The following NARS2 variants were observed in gnomAD, a reference collection of about 807,000 sequenced individuals.
NARS2 encodes the protein asparaginyl-tRNA synthetase 2, mitochondrial, also known as asparaginyl-tRNA synthetase.
A neutral mutation model predicts 62.9 loss-of-function variants in NARS2; 60 were observed. The observed-to-expected ratio is 0.95, with a 90% CI of 0.77 to 1.18. NARS2 has a LOEUF of 1.18. Ranked by LOEUF, NARS2 falls within the 50% of genes most tolerant of loss-of-function variation. The probability of loss-of-function intolerance (pLI) is 0.00; values close to 1 mark genes in which losing one functional copy is unlikely to be tolerated. For synonymous variants in NARS2, 196 were observed against 200.0 expected (o/e 0.98, Z 0.17); for missense variants, 619 against 576.4 (o/e 1.07, Z -0.76).
At chr11:78,478,055 T>A (rs1003834915) in intron 9 of NARS2, among the ~76,000 whole-genome samples, 1 of 152,218 alleles carries the variant, frequency 6.6e-6, no homozygotes, top group Non-Finnish European at 1.5e-5. Context: ...TGTTCCTGAA[T>A]TCTTGTCTTG....
At chr11:78,488,005 A>G (rs535526208) in intron 7 of NARS2, among the ~76,000 whole-genome samples, 7 of 152,188 alleles carry the variant, frequency 4.6e-5, no homozygotes, top group Non-Finnish European at 7.3e-5. Context: ...TGAAACAAGA[A>G]CAACAGAAAC....
chr11:78,456,250 G>C (rs1565209341), intron 11 of NARS2, among the ~76,000 whole-genome samples: 1 of 152,160 alleles, frequency 6.6e-6, no homozygotes, highest in Admixed American at 6.6e-5. Context: ...TGAAATGGGA[G>C]AAACAGTTTG....
At chr11:78,523,232 A>C (rs1056538687) in intron 6 of NARS2, among the ~76,000 whole-genome samples, 2 of 152,208 alleles carry the variant, frequency 1.3e-5, no homozygotes, top group Non-Finnish European at 2.9e-5. Context: ...AAAACCCATC[A>C]TTAGTAGTCA....
At chr11:78,539,065 T>A (rs181648124) in intron 5 of NARS2, among the ~76,000 whole-genome samples, 115 of 145,834 alleles carry the variant, frequency 7.9e-4, no homozygotes, top group African/African-American at 2.8e-3. Flanking sequence ...AGATTATGGG[T>A]CCTTTATAGA....
chr11:78,574,546 C>G lies in NARS2; in HGVS notation c.-58G>C, dbSNP rs1342894038. ...CCCAGACCCCACGGTTCGAACCCCG[C>G]CTGCAGCGGCCCTCCTTTCTCAGCT... is the stretch of plus-strand genomic sequence containing the variant. On this transcript the variant is annotated 5_prime_UTR_variant, in exon 1 of 14. Transcript: ENST00000281038. 5 of 1,510,706 alleles carry G rather than the reference C, an allele frequency of 3.3e-6. No individual in the cohort carries two copies. Among genetic ancestry groups the G allele is most frequent in the Non-Finnish European group, 4.4e-6 (5 of 1,131,754 alleles). The allele number at this position is 1,510,706 out of a possible 1,614,324, so 93.6% of individuals were successfully genotyped here.
chr11:78,521,519 G>A (rs991341269), intron 6 of NARS2, among the ~76,000 whole-genome samples: 7 of 152,118 alleles, frequency 4.6e-5, no homozygotes, highest in Admixed American at 6.5e-5. Context: ...GGCCGGGCGC[G>A]GTGGCTCACG....
At chr11:78,554,049 T>C (rs746282190) in intron 5 of NARS2, among the ~76,000 whole-genome samples, 10 of 152,222 alleles carry the variant, frequency 6.6e-5, no homozygotes, top group Non-Finnish European at 1.3e-4. Flanking sequence ...CAGATTGTCA[T>C]AGATGTGCGG....
chr11:78,479,809 A>G (rs1470896332), intron 7 of NARS2, among the ~76,000 whole-genome samples: 2 of 152,208 alleles, frequency 1.3e-5, no homozygotes, highest in African/African-American at 2.4e-5. Context: ...GTAACTGTCT[A>G]TTGAAGTACA....
intron 5 of NARS2, among the ~76,000 whole-genome samples, chr11:78,553,951 T>C (rs780785738): frequency 2.3e-4 from 35 of 152,244 alleles, no homozygotes; most frequent in African/African-American, 8.4e-4. Flanking sequence ...TTCAATCGTC[T>C]GCATACGGCT....
chr11:78,574,441 G>A lies in NARS2; in HGVS notation c.48C>T (p.Ser16=), dbSNP rs771259800. ...CLLRSVRFCS[S]APFPKHKPSA... is the part of the protein sequence containing the mutation. ...AAGGTTTGTGCTTGGGGAAGGGGGC[G>A]GAGGAACAGAAGCGCACGGACCGCA... The change falls in exon 1 of 14, where the codon TCC becomes TCT. Residue 16 remains serine, a synonymous_variant. Transcript: ENST00000281038. The A allele has an allele frequency of 2.5e-6, 4 of 1,614,108 alleles. No individual in the cohort carries two copies. In the East Asian group the frequency reaches 8.9e-5, roughly 36 times the overall value.
At chr11:78,522,826 A>G (rs1248589346) in intron 6 of NARS2, among the ~76,000 whole-genome samples, 1 of 152,220 alleles carries the variant, frequency 6.6e-6, no homozygotes, top group East Asian at 1.9e-4. Flanking sequence ...TTAAAGATGT[A>G]TTAAAAATCT....
intron 6 of NARS2, among the ~76,000 whole-genome samples, chr11:78,517,969 T>C (rs1031055009): frequency 2.6e-5 from 4 of 152,228 alleles, no homozygotes; most frequent in Non-Finnish European, 5.9e-5. Flanking sequence ...ATCCTAGGTT[T>C]CACGGTTATA....
In NARS2 at chr11:78,441,133, T is replaced by C. The variant is rs1343249225; in HGVS notation, c.1263-16A>G. On this transcript the variant is annotated splice_polypyrimidine_tract_variant and intron_variant, in intron 12 of 13. Transcript: ENST00000281038. ...AAGTCCCGATCTGTTTAAAGGAAAA[T>C]AAAATTCTTTCAGGGAACGGCAATA... The C allele has an allele frequency of 6.2e-7, 1 of 1,606,182 alleles. No homozygotes were observed. Among genetic ancestry groups the C allele is most frequent in the African/African-American group, 1.3e-5 (1 of 74,578 alleles).
At chr11:78,458,875 T>C (rs777867856) in intron 11 of NARS2, among the ~76,000 whole-genome samples, 1 of 152,096 alleles carries the variant, frequency 6.6e-6, no homozygotes, top group African/African-American at 2.4e-5. Flanking sequence ...ACTGTTCTTG[T>C]GGTAGTAAGT....
At chr11:78,558,229 G>A (rs1336194640) in intron 5 of NARS2, 1 of 152,140 alleles carries the variant, frequency 6.6e-6, no homozygotes, top group African/African-American at 2.4e-5. Flanking sequence ...CACTCTAAAT[G>A]TTCAACAAGG....
intron 11 of NARS2, among the ~76,000 whole-genome samples, chr11:78,457,182 G>A (rs1858196581): frequency 6.6e-6 from 1 of 152,246 alleles, no homozygotes; most frequent in Non-Finnish European, 1.5e-5. Flanking sequence ...CATTTCTACT[G>A]AGAGGTGGGG....
chr11:78,511,142 A>T (rs1860706774), intron 6 of NARS2, among the ~76,000 whole-genome samples: 1 of 152,188 alleles, frequency 6.6e-6, no homozygotes, highest in Non-Finnish European at 1.5e-5. Flanking sequence ...AAGTGATACA[A>T]TCATGGTTCA....
At chr11:78,561,477 T>C (rs1047769962) in intron 4 of NARS2, among the ~76,000 whole-genome samples, 2 of 152,168 alleles carry the variant, frequency 1.3e-5, no homozygotes, top group Non-Finnish European at 2.9e-5. Flanking sequence ...GCAACCACTT[T>C]CACCCAATTT....
chr11:78,459,556 C>T (rs555088933), intron 11 of NARS2, among the ~76,000 whole-genome samples: 20 of 152,278 alleles, frequency 1.3e-4, no homozygotes, highest in African/African-American at 4.6e-4. Context: ...AGGAGTGAGC[C>T]ACCGCGCCCA....
Sources: gnomAD v4.1 joint callset for allele counts (sites outside exome capture counted in the v4.1 genomes callset) on GRCh38, gnomAD v4.1.1 for gene constraint, MANE v1.5 for transcripts, NCBI Gene and HGNC (gene_info 2026-07-23, HGNC 2026-07-21) for gene names.